Variants in FSTL4 observed in about 807,000 individuals in gnomAD.
FSTL4 encodes follistatin-related protein 4.
In FSTL4, 28 loss-of-function variants were observed where a neutral mutation model predicts 78.2. The ratio of observed to expected loss-of-function variants is 0.36; its 90% CI spans 0.27 to 0.49. FSTL4 has a LOEUF of 0.49. Ranked by LOEUF, FSTL4 falls within the 20% of genes least tolerant of loss-of-function variation. FSTL4 has a pLI of 0.98. For missense variants in FSTL4, 922 were observed against 1,084.9 expected (o/e 0.85, Z 2.11); for synonymous variants, 422 against 440.5 (o/e 0.96, Z 0.53).
intron 3 of FSTL4, among the ~76,000 whole-genome samples, chr5:133,504,711 C>A (rs905019890): frequency 1.3e-5 from 2 of 152,210 alleles, no homozygotes; most frequent in Non-Finnish European, 2.9e-5. Flanking sequence ...CCACTCCTAT[C>A]CTGGGCTCTC....
rs1244252599 is a variant in FSTL4, at chr5:133,433,949, T to C, written c.161-32963A>G. 2.0e-5 allele frequency among the ~76,000 whole-genome samples: 3 copies of C among 151,068 alleles called. No homozygotes were observed. In the Admixed American group the frequency reaches 2.0e-4, roughly 10 times the overall value. ...TGGGATTCCAGGGGCCTCCGAGCCATGGCAAAGGGAAAAGCTTAGGATTTT... is the reference window on the plus strand; with the variant it reads ...TGGGATTCCAGGGGCCTCCGAGCCACGGCAAAGGGAAAAGCTTAGGATTTT... On this transcript the variant is annotated intron_variant, in intron 3 of 15. Transcript: ENST00000265342.
At chr5:133,812,300 G>A in the FSTL4 span, among the ~76,000 whole-genome samples, 7 of 152,190 alleles carry the variant, frequency 4.6e-5, no homozygotes, top group Admixed American at 2.0e-4. Context: ...GGCCAGAGTG[G>A]TCACATCACT....
chr5:133,611,233 A>G lies in FSTL4; in HGVS notation c.-11+1092T>C, dbSNP rs1761084988. On this transcript the variant is annotated intron_variant, in intron 1 of 15. Coordinates refer to ENST00000265342, the MANE Select transcript of FSTL4 (RefSeq NM_015082.2). The surrounding 1 kb of genome is among the most constrained non-coding windows in gnomAD (Gnocchi z 4.9). Reference sequence around the variant, plus strand: ...CGACCTCGCCGGGCCCGCCCCGCTGACCCGCGCACTCCTAGTGCACTTGCC... The same window carrying G: ...CGACCTCGCCGGGCCCGCCCCGCTGGCCCGCGCACTCCTAGTGCACTTGCC... Among the ~76,000 whole-genome samples the G allele has an allele frequency of 6.6e-6, 1 of 151,874 alleles. No individual in the cohort carries two copies. Among genetic ancestry groups the G allele is most frequent in the South Asian group, 2.1e-4 (1 of 4,812 alleles).
At chr5:133,317,222 G>A (rs994157595) in intron 4 of FSTL4, among the ~76,000 whole-genome samples, 1 of 152,196 alleles carries the variant, frequency 6.6e-6, no homozygotes, top group African/African-American at 2.4e-5. Context: ...GCTTTACAAC[G>A]TTAAAACCGA....
chr5:133,223,952 C>T (rs925478123), intron 11 of FSTL4: 5 of 466,880 alleles, frequency 1.1e-5, no homozygotes, highest in Non-Finnish European at 1.9e-5. Context: ...TGTTCTGCTT[C>T]AGCAGAGGTT....
chr5:133,690,483 T>C, the FSTL4 span, among the ~76,000 whole-genome samples: 1 of 152,072 alleles, frequency 6.6e-6, no homozygotes, highest in East Asian at 1.9e-4. Flanking sequence ...AAATACCTAA[T>C]GGCAGATTAT....
intron 4 of FSTL4, among the ~76,000 whole-genome samples, chr5:133,318,574 C>T (rs1030673009): frequency 1.3e-5 from 2 of 152,146 alleles, no homozygotes; most frequent in Non-Finnish European, 2.9e-5. Flanking sequence ...TCTGCAGGAG[C>T]CAGCATTTCT....
chr5:133,417,017 A>G (rs531664331), intron 3 of FSTL4, among the ~76,000 whole-genome samples: 7 of 152,360 alleles, frequency 4.6e-5, no homozygotes, highest in African/African-American at 1.4e-4. Flanking sequence ...TAGGGCATCC[A>G]AAATTGCGTA....
chr5:133,837,786 G>A, the FSTL4 span, among the ~76,000 whole-genome samples: 1 of 152,160 alleles, frequency 6.6e-6, no homozygotes, highest in African/African-American at 2.4e-5. Flanking sequence ...GCCACTTTCT[G>A]CTCAGCCTCT....
intron 3 of FSTL4, among the ~76,000 whole-genome samples, chr5:133,460,828 C>G (rs535448898): frequency 6.6e-6 from 1 of 152,260 alleles, no homozygotes; most frequent in Non-Finnish European, 1.5e-5. Flanking sequence ...CCTTCCAACT[C>G]TTGCATGCTC....
chr5:133,398,682 T>C (rs1348310673), intron 4 of FSTL4, among the ~76,000 whole-genome samples: 1 of 152,166 alleles, frequency 6.6e-6, no homozygotes, highest in Non-Finnish European at 1.5e-5. Context: ...CTTCTCTCCA[T>C]GGCTGCAGCA....
chr5:133,751,277 C>A, the FSTL4 span, among the ~76,000 whole-genome samples: 1 of 152,208 alleles, frequency 6.6e-6, no homozygotes, highest in Non-Finnish European at 1.5e-5. Flanking sequence ...GTTTGGCAGG[C>A]CTTTCGGGCT....
chr5:133,358,242 T>C (rs1035268508), intron 4 of FSTL4, among the ~76,000 whole-genome samples: 6 of 152,148 alleles, frequency 3.9e-5, no homozygotes, highest in African/African-American at 1.4e-4. Flanking sequence ...ACCTGCAAAG[T>C]CCCTGTGCCA....
At chr5:133,496,224 G>A (rs1053000782) in intron 3 of FSTL4, among the ~76,000 whole-genome samples, 1 of 152,226 alleles carries the variant, frequency 6.6e-6, no homozygotes, top group African/African-American at 2.4e-5. Flanking sequence ...ATAAAGCAGG[G>A]AGATGTAGCA....
intron 11 of FSTL4, among the ~76,000 whole-genome samples, chr5:133,221,264 A>G (rs1339999960): frequency 6.6e-6 from 1 of 152,162 alleles, no homozygotes; most frequent in African/African-American, 2.4e-5. Flanking sequence ...AAAGGCTTTC[A>G]TTTGCTTTTT....
In FSTL4 at chr5:133,316,547, G is replaced by A. The variant is rs1196548172; in HGVS notation, c.515C>T (p.Ala172Val). Residue 172 changes from alanine to valine, a missense_variant, in exon 5 of 16, where the codon GCC becomes GTC. Transcript: ENST00000265342. ...LQEGDSRQDPASQKRLLVESL... is the reference protein window; with the variant it reads ...LQEGDSRQDPVSQKRLLVESL... ...TTCCACCAGGAGGCGCTTCTGGGAG[G>A]CAGGGTCTTGTCTGCTGTCTCCTTC... is the stretch of plus-strand genomic sequence containing the variant. The A allele has an allele frequency of 6.2e-7, 1 of 1,613,848 alleles. No homozygotes were observed. The highest frequency in any genetic ancestry group is 8.5e-7 in the Non-Finnish European group (1 of 1,179,826).
At chr5:133,328,427 G>T (rs1201882863) in intron 4 of FSTL4, among the ~76,000 whole-genome samples, 1 of 152,164 alleles carries the variant, frequency 6.6e-6, no homozygotes, top group Non-Finnish European at 1.5e-5. Flanking sequence ...AGCAAAATTG[G>T]TTGGATCCCT....
the FSTL4 span, among the ~76,000 whole-genome samples, chr5:133,648,919 G>A: frequency 2.6e-5 from 4 of 151,994 alleles, no homozygotes; most frequent in African/African-American, 4.8e-5. Context: ...TCTTGGTGTC[G>A]TACATTCTAT....
At position 133,316,788 on chromosome 5, in the gene FSTL4, G is replaced by A. The variant is rs1041692630; in HGVS notation, c.410-136C>T. The A allele has an allele frequency of 1.2e-4, 76 of 631,934 alleles. 1 individual carries two copies. In the Middle Eastern group the frequency reaches 1.2e-3, roughly 10 times the overall value. 39.1% of individuals were successfully genotyped at this position (631,934 alleles called of 1,614,324 possible). A position where few individuals can be genotyped will look rare whatever the true frequency, so the allele number is the denominator to read the frequency against. ...ATGTGCAGTGCACGGTGCAACTGTC[G>A]TCGATGGGACTTGTTTGTGTTCTGC... On this transcript the variant is annotated intron_variant, in intron 4 of 15. Transcript: ENST00000265342.
Sources: allele counts gnomAD v4.1 joint callset (sites outside exome capture counted in the v4.1 genomes callset), GRCh38; gene constraint gnomAD v4.1.1; non-coding constraint Gnocchi (gnomAD v3.1); transcripts MANE v1.5; gene names NCBI Gene and HGNC (gene_info 2026-07-23, HGNC 2026-07-21).